PDE7A: variants seen among roughly 807,000 people sequenced by gnomAD.
PDE7A encodes the protein phosphodiesterase 7A, also known as high affinity 3',5'-cyclic-AMP phosphodiesterase 7A.
Under a neutral mutation model 64.3 loss-of-function variants are expected in PDE7A, and 39 were observed. The observed-to-expected ratio is 0.61, with a 90% confidence interval of 0.47 to 0.79. The LOEUF is 0.79. PDE7A is among the 30% of genes least tolerant of loss of function. The pLI is 0.00. For synonymous variants in PDE7A, 203 were observed against 206.8 expected (o/e 0.98, Z 0.16); for missense variants, 470 against 582.8 (o/e 0.81, Z 1.99).
intron 7 of PDE7A, among the ~76,000 whole-genome samples, chr8:65,731,904 A>C (rs977135308): frequency 2.0e-5 from 3 of 152,166 alleles, no homozygotes; most frequent in African/African-American, 7.2e-5. Context: ...TGTCCACTTA[A>C]GTGACTTGTG....
At chr8:65,729,538 T>G (rs2128894523) in intron 7 of PDE7A, among the ~76,000 whole-genome samples, 1 of 152,216 alleles carries the variant, frequency 6.6e-6, no homozygotes, top group East Asian at 1.9e-4. Context: ...ATTGTATTTT[T>G]ATTTTTCCTA....
intron 1 of PDE7A, among the ~76,000 whole-genome samples, chr8:65,791,593 G>A (rs7004181): frequency 0.011 from 1,672 of 152,174 alleles, 30 homozygotes; most frequent in African/African-American, 0.037. Flanking sequence ...CATTTCTCAC[G>A]CTAGTTAATA....
intron 7 of PDE7A, among the ~76,000 whole-genome samples, chr8:65,733,037 TATG>T (rs1806965250): frequency 6.6e-6 from 1 of 152,196 alleles, no homozygotes; most frequent in Non-Finnish European, 1.5e-5. Flanking sequence ...AAATGTTCAC[TATG>T]ATAAGGGAGA....
chr8:65,823,395 T>C (rs570581680), intron 1 of PDE7A, among the ~76,000 whole-genome samples: 1 of 152,332 alleles, frequency 6.6e-6, no homozygotes, highest in Admixed American at 6.5e-5. Flanking sequence ...TATTATTATT[T>C]AAAAATCCCT....
chr8:65,741,921 G>A (rs919572565), intron 5 of PDE7A, among the ~76,000 whole-genome samples: 3 of 152,188 alleles, frequency 2.0e-5, no homozygotes, highest in African/African-American at 7.2e-5. Flanking sequence ...GTGCAGTGAA[G>A]AAACACATGT....
intron 1 of PDE7A, among the ~76,000 whole-genome samples, chr8:65,833,860 A>G (rs1203238807): frequency 6.6e-6 from 1 of 152,068 alleles, no homozygotes; most frequent in Admixed American, 6.6e-5. Context: ...GTTACTCAGG[A>G]GGGTCATTTA....
At chr8:65,757,478 G>GT (rs1243071691) in intron 3 of PDE7A, among the ~76,000 whole-genome samples, 22 of 152,152 alleles carry the variant, frequency 1.4e-4, no homozygotes, top group South Asian at 4.1e-4. Flanking sequence ...GGTTTGTAGG[G>GT]TTTTTTTAGA....
chr8:65,730,171 C>CTT lies in PDE7A; in HGVS notation c.697-2872_697-2871dup, dbSNP rs1179431555. On this transcript the variant is annotated intron_variant, in intron 7 of 12. Transcript: ENST00000401827. ...TGTGAGGGATCCAGGTTGCGCACTT[C>CTT]TTTTTTTTTTTTTTTTTTTTTTTTT... Among the ~76,000 whole-genome samples the CTT allele has an allele frequency of 5.1e-4, 44 of 86,446 alleles. 8 individuals carry two copies. The South Asian group carries it at 5.2e-3, about 10-fold the overall frequency. 56.7% of individuals were successfully genotyped at this position (86,446 alleles called of 152,430 possible). A position where few individuals can be genotyped will look rare whatever the true frequency, so the allele number is the denominator to read the frequency against.
chr8:65,828,081 T>C (rs572070520), intron 1 of PDE7A, among the ~76,000 whole-genome samples: 1 of 152,292 alleles, frequency 6.6e-6, no homozygotes, highest in African/African-American at 2.4e-5. Context: ...ACAGACATGT[T>C]ACTTTTTTAA....
intron 7 of PDE7A, among the ~76,000 whole-genome samples, chr8:65,729,961 G>T (rs1488747169): frequency 6.6e-6 from 1 of 151,778 alleles, no homozygotes; most frequent in Admixed American, 6.6e-5. Context: ...AGGACAAGGC[G>T]GTCCTCGCAG....
intron 2 of PDE7A, among the ~76,000 whole-genome samples, chr8:65,782,277 G>A (rs1291129492): frequency 1.3e-5 from 2 of 152,148 alleles, no homozygotes; most frequent in Non-Finnish European, 2.9e-5. Context: ...AAGAAAATTA[G>A]ACATATATAC....
chr8:65,730,168 C>CTTTTTTTTTTTTTTTTTT (rs1563473710), intron 7 of PDE7A, among the ~76,000 whole-genome samples: 2 of 31,670 alleles, frequency 6.3e-5, no homozygotes, highest in Non-Finnish European at 1.2e-4. Context: ...AGGTTGCGCA[C>CTTTTTTTTTTTTTTTTTT]TTCTTTTTTT....
intron 3 of PDE7A, among the ~76,000 whole-genome samples, chr8:65,762,365 G>A (rs1403448977): frequency 3.9e-5 from 6 of 152,112 alleles, no homozygotes; most frequent in Non-Finnish European, 8.8e-5. Flanking sequence ...GAATGAATAG[G>A]GGAAAATCAG....
chr8:65,780,099 CTAATA>C (rs1809372698), intron 2 of PDE7A, among the ~76,000 whole-genome samples: 2 of 150,878 alleles, frequency 1.3e-5, no homozygotes, highest in Middle Eastern at 3.4e-3. Flanking sequence ...ATAAGATGAC[CTAATA>C]TATTATTCAC....
At chr8:65,789,064 G>C (rs1809634074) in intron 1 of PDE7A, 1 of 1,443,194 alleles carries the variant, frequency 6.9e-7, no homozygotes, top group South Asian at 1.6e-5. Context: ...GACTGCCTTG[G>C]ACCTCAAGCA....
chr8:65,813,799 C>CT (rs1810312675), intron 1 of PDE7A, among the ~76,000 whole-genome samples: 1 of 152,184 alleles, frequency 6.6e-6, no homozygotes, highest in Admixed American at 6.5e-5. Context: ...CTAAGGTCCT[C>CT]TCTTTAATCG....
chr8:65,762,845 C>A (rs1808574337), intron 3 of PDE7A, among the ~76,000 whole-genome samples: 1 of 151,938 alleles, frequency 6.6e-6, no homozygotes, highest in African/African-American at 2.4e-5. Context: ...TACCATAAAA[C>A]AAGTATATTG....
chr8:65,802,755 A>G (rs1810023531), intron 1 of PDE7A, among the ~76,000 whole-genome samples: 1 of 152,212 alleles, frequency 6.6e-6, no homozygotes, highest in Non-Finnish European at 1.5e-5. Flanking sequence ...CTAGTATGAT[A>G]TAGTTCGGAT....
intron 12 of PDE7A, chr8:65,719,717 G>T: frequency 1.8e-6 from 1 of 548,410 alleles, no homozygotes; most frequent in South Asian, 2.4e-5. Context: ...GAGTAAAAGT[G>T]AACTGACAAA....
Sources: gnomAD v4.1 joint callset for allele counts (sites outside exome capture counted in the v4.1 genomes callset) on GRCh38, gnomAD v4.1.1 for gene constraint, MANE v1.5 for transcripts, NCBI Gene and HGNC (gene_info 2026-07-23, HGNC 2026-07-21) for gene names.